Variants in COCH observed in about 807,000 individuals in gnomAD.
COCH encodes the protein cochlin.
Under a neutral mutation model 54.8 loss-of-function variants are expected in COCH, and 40 were observed. That is an observed-to-expected ratio of 0.73 (90% CI 0.57 to 0.95). The LOEUF (loss-of-function observed/expected upper bound fraction) is 0.95, where lower values mean the gene tolerates loss of function less well. Ranked by LOEUF, COCH falls within the 40% of genes least tolerant of loss-of-function variation. COCH has a pLI of 0.00. For missense variants in COCH, 605 were observed against 675.0 expected (o/e 0.90, Z 1.15); for synonymous variants, 256 against 237.9 (o/e 1.08, Z -0.70).
downstream of COCH, among the ~76,000 whole-genome samples, chr14:30,891,260 C>T (rs1482697312): frequency 6.6e-6 from 1 of 152,060 alleles, no homozygotes; most frequent in East Asian, 1.9e-4. Context: ...TTAGATGATT[C>T]GCTTACCAAG....
Position 30,886,010 on chromosome 14 carries a change from A to AG in COCH, c.1175_1176insG (p.Asn392LysfsTer7). 1 of 1,614,204 alleles carries AG rather than the reference A, an allele frequency of 6.2e-7. No individual in the cohort carries two copies. ...CGCCTCATGCTTGAATTTGTTTCCA[A>AG]CATAGCCAAGACTTTTGAAATCTCG... On this transcript the variant is annotated frameshift_variant, in exon 11 of 12. Transcript: ENST00000396618. LOFTEE classifies it high-confidence loss of function.
Position 30,884,669 on chromosome 14 carries a change from T to G in COCH, c.733+13T>G. 1 of 1,547,580 alleles carries G rather than the reference T, an allele frequency of 6.5e-7. No homozygotes were observed. Among genetic ancestry groups the G allele is most frequent in the Non-Finnish European group, 8.9e-7 (1 of 1,119,526 alleles). ...AATTCCAATACAGGTAAGTAGACTT[T>G]GATACCTGGGATGTAACATAGGAGA... On this transcript the variant is annotated intron_variant, in intron 9 of 11. Coordinates refer to ENST00000396618, the MANE Select transcript of COCH (RefSeq NM_004086.3).
chr14:30,875,027 A>T (rs1895302058), intron 2 of COCH, 29 bp from the exon 3 acceptor site: 1 of 1,612,464 alleles, frequency 6.2e-7, no homozygotes, highest in African/African-American at 1.3e-5. Flanking sequence ...TGGAGGCTGG[A>T]GCCAGCCCTC....
chr14:30,881,779 A>T (rs1380809175), intron 8 of COCH, among the ~76,000 whole-genome samples: 167 of 151,474 alleles, frequency 1.1e-3, no homozygotes, highest in African/African-American at 3.8e-3. Flanking sequence ...TAACACGGGG[A>T]AACCCCGTCT....
At chr14:30,879,860 G>T (rs971473835) in intron 6 of COCH, among the ~76,000 whole-genome samples, 2 of 151,950 alleles carry the variant, frequency 1.3e-5, no homozygotes, top group Non-Finnish European at 2.9e-5. Flanking sequence ...GACAGGTCTA[G>T]CTATGATGCC....
In COCH at chr14:30,876,975, A is replaced by AT. The variant is rs879873250; in HGVS notation, c.83-585dup. Among the ~76,000 whole-genome samples, 264 of 146,408 alleles carry AT rather than the reference A, an allele frequency of 1.8e-3. 1 individual carries two copies. Among genetic ancestry groups the AT allele is most frequent in the Middle Eastern group, 7.1e-3 (2 of 282 alleles). On this transcript the variant is annotated intron_variant, in intron 3 of 11. Coordinates refer to ENST00000396618, the MANE Select transcript of COCH (RefSeq NM_004086.3). ...CACCACGTGTGGCCATTTAAAAAAAATTTTTTTTTTTTAGAAGAGATGAGG... is the reference window on the plus strand; with the variant it reads ...CACCACGTGTGGCCATTTAAAAAAAATTTTTTTTTTTTTAGAAGAGATGAGG...
chr14:30,878,773 G>C, intron 4 of COCH, 38 bp from the exon 5 acceptor site: 1 of 1,614,002 alleles, frequency 6.2e-7, no homozygotes, highest in African/African-American at 1.3e-5. Flanking sequence ...CCCTGAAAAA[G>C]TGTGGATAGC....
chr14:30,892,255 CAT>C (rs894754041), downstream of COCH, among the ~76,000 whole-genome samples: 9 of 152,052 alleles, frequency 5.9e-5, no homozygotes, highest in Non-Finnish European at 1.0e-4. Flanking sequence ...ACAAAATAAA[CAT>C]ATATACTAAT....
intron 8 of COCH, among the ~76,000 whole-genome samples, chr14:30,881,226 A>AAG (rs1895574047): frequency 1.1e-4 from 17 of 151,928 alleles, no homozygotes; most frequent in Admixed American, 1.1e-3. Context: ...AAAAAAAAAA[A>AAG]AAAAGAAAAA....
At chr14:30,879,402 A>G in intron 5 of COCH, 21 bp from the exon 6 acceptor site, 1 of 1,612,984 alleles carries the variant, frequency 6.2e-7, no homozygotes, top group South Asian at 1.1e-5. Context: ...GAAAAAAATA[A>G]GCTTATTTTT....
intron 6 of COCH, among the ~76,000 whole-genome samples, chr14:30,880,144 T>G (rs1279478569): frequency 6.6e-6 from 1 of 152,198 alleles, no homozygotes; most frequent in East Asian, 1.9e-4. Flanking sequence ...CCCTTTTGTA[T>G]GACGATGGCA....
chr14:30,894,969 A>AGAG (rs1447844564), downstream of COCH: 4 of 1,037,844 alleles, frequency 3.9e-6, no homozygotes, highest in Non-Finnish European at 4.8e-6. Context: ...AAGATCACTA[A>AGAG]GAGATGAAAA....
intron 8 of COCH, among the ~76,000 whole-genome samples, chr14:30,882,162 C>CTTTTTTTTTTTTTTTTTTTTT (rs1594378790): frequency 1.4e-5 from 1 of 69,584 alleles, no homozygotes; most frequent in Non-Finnish European, 2.5e-5. Flanking sequence ...CGGAGTTTTG[C>CTTTTTTTTTTTTTTTTTTTTT]TCTGTCACCG....
chr14:30,890,727 AT>A (rs1319156632), downstream of COCH: 2 of 305,032 alleles, frequency 6.6e-6, no homozygotes, highest in African/African-American at 4.5e-5. Context: ...TACCAAGAAT[AT>A]TTTTTCTTTG....
At chr14:30,885,064 CTACA>C (rs1379936591) in intron 9 of COCH, 38 of 1,587,980 alleles carry the variant, frequency 2.4e-5, no homozygotes, top group Non-Finnish European at 3.2e-5. Context: ...CACCAAAGGG[CTACA>C]TAGAGAGCAC....
In COCH at chr14:30,879,065, C is replaced by T; in HGVS notation, c.373+121C>T. On this transcript the variant is annotated intron_variant, in intron 5 of 11. Coordinates refer to ENST00000396618, the MANE Select transcript of COCH (RefSeq NM_004086.3). ...ACCTGTGATCAAGACTAAAGCTGAC[C>T]TATAGAGGTAAACTGTAGGTTAGAC... is the stretch of plus-strand genomic sequence containing the variant. The T allele has an allele frequency of 2.1e-6, 3 of 1,411,980 alleles. No individual in the cohort carries two copies. In the South Asian group the frequency reaches 3.5e-5, roughly 17 times the overall value. 87.5% of individuals were successfully genotyped at this position (1,411,980 alleles called of 1,614,324 possible).
At chr14:30,880,114 G>T (rs946957925) in intron 6 of COCH, among the ~76,000 whole-genome samples, 1 of 152,162 alleles carries the variant, frequency 6.6e-6, no homozygotes, top group Non-Finnish European at 1.5e-5. Flanking sequence ...TGTGTCTATT[G>T]TAAGAAATAG....
intron 4 of COCH, 82 bp from the exon 5 acceptor site, chr14:30,878,729 T>C: frequency 2.5e-6 from 4 of 1,592,274 alleles, no homozygotes; most frequent in Admixed American, 3.4e-5. Context: ...ATCAAAGCAA[T>C]AGATACAACA....
chr14:30,885,891 T>C lies in COCH; in HGVS notation c.1056T>C (p.Thr352=). 1 of 1,614,154 alleles carries C rather than the reference T, an allele frequency of 6.2e-7. No homozygotes were observed. The highest frequency in any genetic ancestry group is 8.5e-7 in the Non-Finnish European group (1 of 1,179,988). Residue 352 remains threonine, a synonymous_variant, in exon 11 of 12, where the codon ACT becomes ACC. Coordinates refer to ENST00000396618, the MANE Select transcript of COCH (RefSeq NM_004086.3). ...AGCCTCTGGTACAGAAGCTGTGCAC[T>C]CATGAACAAATGATGTGCAGCAAGA... ...YVKPLVQKLC[T]HEQMMCSKTC... is the part of the protein sequence containing the mutation.
Sources: gnomAD v4.1 joint callset for allele counts (sites outside exome capture counted in the v4.1 genomes callset) on GRCh38, gnomAD v4.1.1 for gene constraint, MANE v1.5 for transcripts, NCBI Gene and HGNC (gene_info 2026-07-23, HGNC 2026-07-21) for gene names.